TANC1: variants seen among roughly 807,000 people sequenced by gnomAD.
The protein encoded by TANC1 is tetratricopeptide repeat, ankyrin repeat and coiled-coil containing 1.
A neutral mutation model predicts 149.7 loss-of-function variants in TANC1; 77 were observed. The ratio of observed to expected loss-of-function variants is 0.51; its 90% CI spans 0.43 to 0.62. The LOEUF is 0.62. Ranked by LOEUF, TANC1 falls within the 20% of genes least tolerant of loss-of-function variation. The pLI, the probability that TANC1 is intolerant of heterozygous loss-of-function variation, is 0.00. For missense variants in TANC1, 1,985 were observed against 2,321.8 expected (o/e 0.85, Z 2.98); for synonymous variants, 854 against 925.0 (o/e 0.92, Z 1.39).
intron 7 of TANC1, among the ~76,000 whole-genome samples, chr2:159,159,333 G>T (rs2053759108): frequency 6.6e-6 from 1 of 151,830 alleles, no homozygotes; most frequent in South Asian, 2.1e-4. Flanking sequence ...CAGCTACTTA[G>T]GGGGCTGAGG....
rs987882982 is a variant in TANC1, at chr2:159,135,926, T to A, written c.260-268T>A. 1.3e-5 allele frequency among the ~76,000 whole-genome samples: 2 copies of A among 152,194 alleles called. 1 individual carries two copies. Among genetic ancestry groups the A allele is most frequent in the Non-Finnish European group, 2.9e-5 (2 of 68,046 alleles). On this transcript the variant is annotated intron_variant, in intron 4 of 26. Coordinates refer to ENST00000263635, the MANE Select transcript of TANC1 (RefSeq NM_033394.3). ...AGCAGCTTTTGTTTTTGTTAGGGTT[T>A]ACATTCTCAAATCTGAGCTTACTCT...
chr2:159,172,459 A>AC lies in TANC1; in HGVS notation c.1503+188dup, dbSNP rs149114595. On this transcript the variant is annotated intron_variant, in intron 11 of 26. Transcript: ENST00000263635. The stretch of plus-strand genomic sequence containing the variant: ...AATGACAGTAAGTATCTGTTTTAAG[A>AC]CATTGGCAGTGGACCTGATCCATCT... 1.4e-4 allele frequency among the ~76,000 whole-genome samples: 21 copies of AC among 152,348 alleles called. No individual in the cohort carries two copies. In the East Asian group the frequency reaches 4.0e-3, roughly 29 times the overall value.
At chr2:159,122,604 C>T (rs542896170) in intron 4 of TANC1, among the ~76,000 whole-genome samples, 1 of 152,284 alleles carries the variant, frequency 6.6e-6, no homozygotes, top group South Asian at 2.1e-4. Context: ...CAACACCCAA[C>T]TCCTGACAAC....
intron 7 of TANC1, among the ~76,000 whole-genome samples, chr2:159,162,435 A>C (rs1026648030): frequency 2.0e-5 from 3 of 152,178 alleles, no homozygotes; most frequent in African/African-American, 7.2e-5. Flanking sequence ...GGCCCAGGTG[A>C]TGATGACCTG....
chr2:159,125,831 AC>A, intron 4 of TANC1, among the ~76,000 whole-genome samples: 1 of 151,944 alleles, frequency 6.6e-6, no homozygotes, highest in Admixed American at 6.5e-5. Flanking sequence ...CAGGTGATCC[AC>A]CCGCCTCGGT....
chr2:159,156,913 T>A (rs543912596), intron 7 of TANC1, among the ~76,000 whole-genome samples: 44 of 152,334 alleles, frequency 2.9e-4, no homozygotes, highest in Non-Finnish European at 4.9e-4. Flanking sequence ...TTTAGGTGTT[T>A]CCTTAGTTGA....
In TANC1 at chr2:159,176,614, C is replaced by T. The variant is rs1053136725; in HGVS notation, c.1902+96C>T. On this transcript the variant is annotated intron_variant, in intron 13 of 26. Coordinates refer to ENST00000263635, the MANE Select transcript of TANC1 (RefSeq NM_033394.3). ...AAAACTGTTGTAAACCATTCAGCTG[C>T]TTGAATTGGAAACTATGTTAAGAAT... The T allele has an allele frequency of 1.1e-5, 11 of 965,620 alleles. No homozygotes were observed. The African/African-American group carries it at 1.6e-4, about 14-fold the overall frequency. 59.8% of individuals were successfully genotyped at this position (965,620 alleles called of 1,614,324 possible). A position where few individuals can be genotyped will look rare whatever the true frequency, so the allele number is the denominator to read the frequency against.
chr2:159,163,450 A>C lies in TANC1; in HGVS notation c.850A>C (p.Thr284Pro), dbSNP rs373966014. The change falls in exon 8 of 27, where the codon ACG becomes CCG. Residue 284 changes from threonine (T) to proline (P), a missense_variant. Thr to Pro is a conservative substitution (Grantham distance 38, BLOSUM62 -1). Around this residue, in one of 3 missense-constraint regions of TANC1, gnomAD observed 557 missense variants for 612.9 expected, o/e 0.91. Transcript: ENST00000263635. ...EEETTGSAES[T>P]LPKAESSAGD... is the part of the protein sequence containing the mutation. ...GGAGACCACCGGGTCAGCAGAGAGC[A>C]CGCTGCCCAAAGCAGAATCCTCAGC... 16 of 1,613,976 alleles carry C rather than the reference A, an allele frequency of 9.9e-6. No individual in the cohort carries two copies. Among genetic ancestry groups the C allele is most frequent in the Non-Finnish European group, 1.3e-5 (15 of 1,180,020 alleles).
chr2:159,119,964 T>C (rs189626991), intron 4 of TANC1, among the ~76,000 whole-genome samples: 83 of 152,308 alleles, frequency 5.4e-4, no homozygotes, highest in Non-Finnish European at 8.7e-4. Context: ...ACAGTGCCTC[T>C]TGCTCGCAAG....
intron 2 of TANC1, among the ~76,000 whole-genome samples, chr2:159,054,613 G>C (rs1300059101): frequency 6.6e-6 from 1 of 152,164 alleles, no homozygotes; most frequent in African/African-American, 2.4e-5. Flanking sequence ...CTTTGAGGCT[G>C]TCTGACCCTT....
chr2:159,173,689 G>A (rs2055522388), intron 11 of TANC1, among the ~76,000 whole-genome samples: 1 of 152,220 alleles, frequency 6.6e-6, no homozygotes, highest in Non-Finnish European at 1.5e-5. Context: ...ATGTGAGACT[G>A]TGGTACTGGA....
At chr2:159,099,009 A>G (rs1161273847) in intron 4 of TANC1, among the ~76,000 whole-genome samples, 2 of 152,140 alleles carry the variant, frequency 1.3e-5, no homozygotes, top group African/African-American at 4.8e-5. Context: ...TAATATTTGT[A>G]TTACTTGAGA....
chr2:159,049,136 G>T (rs2041284843), intron 2 of TANC1, among the ~76,000 whole-genome samples: 1 of 152,116 alleles, frequency 6.6e-6, no homozygotes, highest in Admixed American at 6.5e-5. Flanking sequence ...TCTAAGGAGA[G>T]GGCCCTTTTA....
chr2:159,068,838 C>T (rs2149709831), intron 3 of TANC1, among the ~76,000 whole-genome samples: 1 of 152,302 alleles, frequency 6.6e-6, no homozygotes, highest in Admixed American at 6.5e-5. Flanking sequence ...CTCCTGGGTT[C>T]AAGCAATTCT....
chr2:159,218,079 G>T (rs766890061), intron 20 of TANC1, among the ~76,000 whole-genome samples: 1 of 109,602 alleles, frequency 9.1e-6, no homozygotes, highest in Non-Finnish European at 2.2e-5. Flanking sequence ...TTTGGTTTTT[G>T]TTTTGTTTTG....
intron 2 of TANC1, among the ~76,000 whole-genome samples, chr2:159,023,092 T>G (rs934155046): frequency 2.6e-5 from 4 of 152,176 alleles, no homozygotes; most frequent in Admixed American, 2.6e-4. Context: ...TAGGGAAAAT[T>G]GAGACTTCTG....
At chr2:159,074,855 C>T (rs1247027953) in intron 3 of TANC1, among the ~76,000 whole-genome samples, 1 of 151,926 alleles carries the variant, frequency 6.6e-6, no homozygotes, top group Non-Finnish European at 1.5e-5. Flanking sequence ...TAGGGGTTGC[C>T]CTCTCCCTGT....
chr2:158,997,306 T>C lies in TANC1; in HGVS notation c.-125-3774T>C, dbSNP rs904494463. ...CACAGCTGGAGAGGAAAGTCAAAGG[T>C]ATGCAAGGAAGGAAAGCTAGAACGA... On this transcript the variant is annotated intron_variant, in intron 1 of 26. Transcript: ENST00000263635. Among the ~76,000 whole-genome samples, 62 of 152,120 alleles carry C rather than the reference T, an allele frequency of 4.1e-4. 1 individual carries two copies. Among genetic ancestry groups the C allele is most frequent in the Non-Finnish European group, 2.9e-5 (2 of 68,028 alleles).
chr2:159,101,851 G>T (rs1011612227), intron 4 of TANC1, among the ~76,000 whole-genome samples: 6 of 152,124 alleles, frequency 3.9e-5, no homozygotes, highest in African/African-American at 1.2e-4. Flanking sequence ...CCTTTGAAAT[G>T]CTGTGATGGA....
Sources: gnomAD v4.1 joint callset for allele counts (sites outside exome capture counted in the v4.1 genomes callset) on GRCh38, gnomAD v4.1.1 for gene constraint, gnomAD v4.1.1 regional missense constraint, MANE v1.5 for transcripts, NCBI Gene and HGNC (gene_info 2026-07-23, HGNC 2026-07-21) for gene names.